The following NAALADL2 variants were observed in gnomAD, a reference collection of about 807,000 sequenced individuals.
The protein encoded by NAALADL2 is inactive N-acetylated-alpha-linked acidic dipeptidase-like protein 2.
A neutral mutation model predicts 87.2 loss-of-function variants in NAALADL2; 76 were observed. That is an observed-to-expected ratio of 0.87 (90% CI 0.72 to 1.05). NAALADL2 has a LOEUF of 1.05. NAALADL2 is among the 50% of genes least tolerant of loss of function. The pLI is 0.00. For missense variants in NAALADL2, 1,089 were observed against 945.8 expected (o/e 1.15, Z -1.99); for synonymous variants, 354 against 331.0 (o/e 1.07, Z -0.75).
At chr3:174,807,873 G>C (rs1488561739) in intron 3 of NAALADL2, among the ~76,000 whole-genome samples, 11 of 142,436 alleles carry the variant, frequency 7.7e-5, no homozygotes, top group Non-Finnish European at 3.1e-5. Context: ...TTTTCATTGT[G>C]TGTGTGTGTG....
chr3:175,705,566 A>C (rs954045564), intron 11 of NAALADL2, among the ~76,000 whole-genome samples: 4 of 150,864 alleles, frequency 2.7e-5, no homozygotes, highest in Admixed American at 6.6e-5. Context: ...AAAAAAAAAA[A>C]CTAACACTGA....
chr3:174,688,665 A>G (rs1728273085), intron 2 of NAALADL2, among the ~76,000 whole-genome samples: 1 of 151,966 alleles, frequency 6.6e-6, no homozygotes, highest in Non-Finnish European at 1.5e-5. Context: ...GGAGGACTAT[A>G]TGTTGTAGCG....
chr3:174,588,409 G>A (rs933177720), intron 2 of NAALADL2, among the ~76,000 whole-genome samples: 40 of 152,106 alleles, frequency 2.6e-4, no homozygotes, highest in African/African-American at 6.8e-4. Flanking sequence ...GCTTTGTTCC[G>A]TTGCTGGTGA....
intron 1 of NAALADL2, among the ~76,000 whole-genome samples, chr3:174,950,870 A>AT (rs532881419): frequency 6.6e-6 from 1 of 152,294 alleles, no homozygotes; most frequent in Admixed American, 6.5e-5. Flanking sequence ...TTTGAATCAA[A>AT]TAGCTATTAA....
At chr3:175,012,875 T>G (rs1017075811) in intron 1 of NAALADL2, among the ~76,000 whole-genome samples, 2 of 150,978 alleles carry the variant, frequency 1.3e-5, no homozygotes, top group South Asian at 2.1e-4. Context: ...TTGTATAATC[T>G]CCAACATTTC....
intron 2 of NAALADL2, among the ~76,000 whole-genome samples, chr3:175,124,122 T>G (rs1356192848): frequency 6.6e-6 from 1 of 151,996 alleles, no homozygotes; most frequent in African/African-American, 2.4e-5. Flanking sequence ...CATTTAAATA[T>G]TTGACTTCTT....
chr3:174,540,008 G>C (rs1251351312), intron 1 of NAALADL2, among the ~76,000 whole-genome samples: 2 of 98,230 alleles, frequency 2.0e-5, no homozygotes, highest in Non-Finnish European at 4.2e-5. Context: ...AAAAAAAAAA[G>C]CTGCCTGATG....
At chr3:174,639,273 T>C (rs1411782203) in intron 2 of NAALADL2, among the ~76,000 whole-genome samples, 1 of 152,242 alleles carries the variant, frequency 6.6e-6, no homozygotes, top group East Asian at 1.9e-4. Flanking sequence ...ACAAAAACTT[T>C]GTTCACCTGT....
intron 2 of NAALADL2, among the ~76,000 whole-genome samples, chr3:175,153,143 T>C (rs1731796525): frequency 6.6e-6 from 1 of 152,182 alleles, no homozygotes; most frequent in Non-Finnish European, 1.5e-5. Flanking sequence ...ACTTACCTCT[T>C]AAAGATCTAC....
At chr3:175,210,855 T>A (rs1741673741) in intron 2 of NAALADL2, among the ~76,000 whole-genome samples, 1 of 151,808 alleles carries the variant, frequency 6.6e-6, no homozygotes, top group Non-Finnish European at 1.5e-5. Flanking sequence ...AACATTTACT[T>A]TAAAACTTAT....
chr3:175,773,224 A>G (rs1559995075), intron 13 of NAALADL2: 1 of 152,180 alleles, frequency 6.6e-6, no homozygotes, highest in Non-Finnish European at 1.5e-5. Flanking sequence ...GTCAAGTTAT[A>G]TATTCTTTTA....
chr3:175,205,402 A>G (rs1449507814), intron 2 of NAALADL2, among the ~76,000 whole-genome samples: 1 of 152,172 alleles, frequency 6.6e-6, no homozygotes, highest in Non-Finnish European at 1.5e-5. Flanking sequence ...CATGTAGGAG[A>G]ATGAAACTGG....
At chr3:175,108,658 A>C (rs1723652668) in intron 2 of NAALADL2, among the ~76,000 whole-genome samples, 1 of 151,974 alleles carries the variant, frequency 6.6e-6, no homozygotes, top group Admixed American at 6.6e-5. Flanking sequence ...CATAGATTTA[A>C]AAGCTCTAAT....
At chr3:175,389,177 AT>A (rs1365541568) in intron 5 of NAALADL2, among the ~76,000 whole-genome samples, 1 of 152,162 alleles carries the variant, frequency 6.6e-6, no homozygotes, top group Non-Finnish European at 1.5e-5. Context: ...AATTACTAAA[AT>A]TAAAGACAGT....
intron 1 of NAALADL2, among the ~76,000 whole-genome samples, chr3:174,931,796 A>G (rs1398907219): frequency 1.3e-5 from 2 of 152,214 alleles, no homozygotes; most frequent in African/African-American, 4.8e-5. Context: ...TATGAAAACC[A>G]GGTTGACTAG....
chr3:175,383,069 A>G (rs985927957), intron 5 of NAALADL2, among the ~76,000 whole-genome samples: 8 of 152,048 alleles, frequency 5.3e-5, no homozygotes, highest in African/African-American at 1.9e-4. Context: ...CATAATCACT[A>G]TATATTTACA....
At chr3:174,774,021 T>C (rs936044438) in intron 3 of NAALADL2, among the ~76,000 whole-genome samples, 1 of 152,128 alleles carries the variant, frequency 6.6e-6, no homozygotes, top group East Asian at 1.9e-4. Context: ...ACCTCTTCCA[T>C]TGGGTACACT....
chr3:175,238,536 A>G (rs915915337), intron 3 of NAALADL2, among the ~76,000 whole-genome samples: 11 of 152,172 alleles, frequency 7.2e-5, no homozygotes, highest in African/African-American at 2.7e-4. Flanking sequence ...CTAAATACAT[A>G]TTGATTTAAA....
chr3:174,605,596 G>C (rs1328553348), intron 2 of NAALADL2, among the ~76,000 whole-genome samples: 2 of 152,174 alleles, frequency 1.3e-5, no homozygotes, highest in African/African-American at 4.8e-5. Context: ...ACTGCAAGGT[G>C]GCAGTGAGGC....
Sources: gnomAD v4.1 joint callset for allele counts (sites outside exome capture counted in the v4.1 genomes callset) on GRCh38, gnomAD v4.1.1 for gene constraint, MANE v1.5 for transcripts, NCBI Gene and HGNC (gene_info 2026-07-23, HGNC 2026-07-21) for gene names.